Variants in NBEA observed in about 807,000 individuals in gnomAD.
The protein encoded by NBEA is neurobeachin.
Under a neutral mutation model 343.4 loss-of-function variants are expected in NBEA, and 44 were observed. The ratio of observed to expected loss-of-function variants is 0.13; its 90% CI spans 0.10 to 0.16. The LOEUF is 0.16. Among genes scored for constraint, NBEA ranks in the 10% least tolerant of loss-of-function variants. The pLI is 1.00. For synonymous variants in NBEA, 1,175 were observed against 1,238.7 expected (o/e 0.95, Z 1.08); for missense variants, 2,555 against 3,631.3 (o/e 0.70, Z 7.62).
Position 35,387,518 on chromosome 13 carries a change from A to G in NBEA, c.6179+35195A>G, listed in dbSNP as rs1316264033. The stretch of plus-strand genomic sequence containing the variant: ...AAACAACGAAAACAAAAAACTGACA[A>G]CACTTTCTTATTTATCAGGAACCAG... On this transcript the variant is annotated intron_variant, in intron 38 of 58. Coordinates refer to ENST00000379939, the MANE Select transcript of NBEA (RefSeq NM_001385012.1). Among the ~76,000 whole-genome samples, 6 of 152,264 alleles carry G rather than the reference A, an allele frequency of 3.9e-5. No homozygotes were observed. The East Asian group carries it at 1.2e-3, about 29-fold the overall frequency.
chr13:35,400,720 T>A (rs2152906577), intron 38 of NBEA, among the ~76,000 whole-genome samples: 1 of 152,166 alleles, frequency 6.6e-6, no homozygotes, highest in East Asian at 1.9e-4. Context: ...ATCTGGAAAG[T>A]TCTCTGGAAA....
intron 17 of NBEA, among the ~76,000 whole-genome samples, chr13:35,131,246 A>G (rs1249329137): frequency 2.0e-5 from 3 of 152,150 alleles, no homozygotes. Flanking sequence ...ACCTAATATA[A>G]TTCATACAAC....
At chr13:35,560,799 A>T (rs1338838772) in intron 44 of NBEA, among the ~76,000 whole-genome samples, 1 of 152,200 alleles carries the variant, frequency 6.6e-6, no homozygotes, top group Admixed American at 6.5e-5. Context: ...TTCTAATGGT[A>T]GCAATTCTTC....
intron 34 of NBEA, among the ~76,000 whole-genome samples, chr13:35,263,196 A>G (rs545211080): frequency 9.2e-5 from 14 of 152,278 alleles, no homozygotes; most frequent in African/African-American, 3.4e-4. Context: ...ATTTTTGACA[A>G]GAGTGCCATG....
At chr13:35,452,539 G>A (rs764949185) in intron 40 of NBEA, among the ~76,000 whole-genome samples, 1 of 152,150 alleles carries the variant, frequency 6.6e-6, no homozygotes, top group Non-Finnish European at 1.5e-5. Flanking sequence ...TAATTGGGAG[G>A]TGGGACAGAA....
intron 10 of NBEA, among the ~76,000 whole-genome samples, chr13:35,075,844 A>G (rs1383120417): frequency 2.6e-5 from 4 of 152,040 alleles, no homozygotes; most frequent in Admixed American, 2.6e-4. Flanking sequence ...TAAATATTTC[A>G]GCGTCTAACT....
chr13:35,219,281 CA>C lies in NBEA; in HGVS notation c.5648+8109del, dbSNP rs199990001. On this transcript the variant is annotated intron_variant, in intron 33 of 58. Coordinates refer to ENST00000379939, the MANE Select transcript of NBEA (RefSeq NM_001385012.1). ...GATTAATCAGTTTTATTCATATTGCCAAAAAAATGTCTAGAGAGAAATAACA... is the reference window on the plus strand; with the variant it reads ...GATTAATCAGTTTTATTCATATTGCCAAAAAATGTCTAGAGAGAAATAACA... Among the ~76,000 whole-genome samples the C allele has an allele frequency of 1.4e-3, 210 of 151,750 alleles. 1 individual carries two copies. The East Asian group carries it at 0.035, about 25-fold the overall frequency.
chr13:35,342,963 A>G (rs2039671034), intron 36 of NBEA, among the ~76,000 whole-genome samples: 1 of 152,072 alleles, frequency 6.6e-6, no homozygotes, highest in South Asian at 2.1e-4. Flanking sequence ...TTTCCAATTA[A>G]AAACCAAATT....
chr13:35,445,800 ATATATATATATATATATG>A (rs1430978888), intron 39 of NBEA, among the ~76,000 whole-genome samples: 155 of 84,416 alleles, frequency 1.8e-3, no homozygotes, highest in Non-Finnish European at 2.1e-3. Context: ...ATATATATAT[ATATATATATATATATATG>A]TATATATATA....
At chr13:35,291,258 A>G (rs1232743329) in intron 35 of NBEA, among the ~76,000 whole-genome samples, 1 of 151,922 alleles carries the variant, frequency 6.6e-6, no homozygotes, top group Non-Finnish European at 1.5e-5. Flanking sequence ...AAAGAAACAT[A>G]TATCTAAGCT....
At chr13:35,319,462 CTG>C (rs979512315) in intron 36 of NBEA, among the ~76,000 whole-genome samples, 23 of 151,192 alleles carry the variant, frequency 1.5e-4, no homozygotes, top group African/African-American at 5.6e-4. Context: ...GTCTGAGAGA[CTG>C]TTATGATATC....
chr13:35,155,280 T>C (rs772225564), intron 18 of NBEA, among the ~76,000 whole-genome samples: 2 of 151,976 alleles, frequency 1.3e-5, no homozygotes, highest in Admixed American at 1.3e-4. Context: ...ATAAATAAAA[T>C]TTGGTGAATA....
At chr13:35,064,577 A>G (rs2063582225) in intron 8 of NBEA, among the ~76,000 whole-genome samples, 1 of 152,040 alleles carries the variant, frequency 6.6e-6, no homozygotes, top group African/African-American at 2.4e-5. Flanking sequence ...TAGTTGAGGT[A>G]TGTTACAAGG....
intron 2 of NBEA, among the ~76,000 whole-genome samples, chr13:35,042,814 A>G (rs1219460513): frequency 6.6e-6 from 1 of 151,912 alleles, no homozygotes; most frequent in Non-Finnish European, 1.5e-5. Context: ...TAGAGAAATT[A>G]AACTTTACAT....
chr13:35,280,259 TAA>T (rs566784802), intron 34 of NBEA, among the ~76,000 whole-genome samples: 27 of 152,234 alleles, frequency 1.8e-4, no homozygotes, highest in Admixed American at 1.2e-3. Context: ...ATTCTCACAT[TAA>T]GTGTGCTATT....
intron 42 of NBEA, 49 bp downstream of exon 42, chr13:35,550,643 T>G (rs771938620): frequency 2.6e-6 from 3 of 1,166,282 alleles, no homozygotes; most frequent in South Asian, 2.6e-5. Flanking sequence ...ATTTACATAT[T>G]ATTCATTTAC....
intron 1 of NBEA, among the ~76,000 whole-genome samples, chr13:35,034,059 C>T (rs1213285120): frequency 6.6e-6 from 1 of 151,550 alleles, no homozygotes; most frequent in Non-Finnish European, 1.5e-5. Context: ...ACAGTGTTAA[C>T]CGTGGGTATC....
At chr13:35,645,576 G>T (rs1415909667) in intron 49 of NBEA, among the ~76,000 whole-genome samples, 2 of 152,072 alleles carry the variant, frequency 1.3e-5, no homozygotes, top group African/African-American at 2.4e-5. Flanking sequence ...TATAGCTTAG[G>T]ATACAGGAAG....
intron 1 of NBEA, among the ~76,000 whole-genome samples, chr13:34,962,136 C>T (rs933969904): frequency 5.3e-5 from 8 of 151,948 alleles, no homozygotes; most frequent in East Asian, 1.9e-4. Flanking sequence ...CTGTGACTTG[C>T]GCTGTATTTT....
Sources: allele counts gnomAD v4.1 joint callset (sites outside exome capture counted in the v4.1 genomes callset), GRCh38; gene constraint gnomAD v4.1.1; transcripts MANE v1.5; gene names NCBI Gene and HGNC (gene_info 2026-07-23, HGNC 2026-07-21).